CNTNAP2: variants seen among roughly 807,000 people sequenced by gnomAD.
CNTNAP2 encodes the protein contactin-associated protein-like 2.
In CNTNAP2, 98 loss-of-function variants were observed where a neutral mutation model predicts 155.2. The ratio of observed to expected loss-of-function variants is 0.63; its 90% CI spans 0.54 to 0.75. The LOEUF (loss-of-function observed/expected upper bound fraction) is 0.75, where lower values mean the gene tolerates loss of function less well. Ranked by LOEUF, CNTNAP2 falls within the 30% of genes least tolerant of loss-of-function variation. The pLI is 0.00. For synonymous variants in CNTNAP2, 651 were observed against 631.2 expected (o/e 1.03, Z -0.47); for missense variants, 1,727 against 1,688.1 (o/e 1.02, Z -0.40).
intron 2 of CNTNAP2, among the ~76,000 whole-genome samples, chr7:146,789,076 C>T (rs2129188575): frequency 6.6e-6 from 1 of 152,074 alleles, no homozygotes; most frequent in African/African-American, 2.4e-5. Context: ...CTTACAAAAC[C>T]CTAGGAAGAA....
intron 3 of CNTNAP2, among the ~76,000 whole-genome samples, chr7:146,881,469 C>T (rs564285550): frequency 1.3e-5 from 2 of 152,056 alleles, no homozygotes; most frequent in East Asian, 3.9e-4. Flanking sequence ...GATTTTTAGC[C>T]CAGTCTTTAA....
chr7:147,475,003 C>T (rs1244687236), intron 10 of CNTNAP2, among the ~76,000 whole-genome samples: 1 of 152,194 alleles, frequency 6.6e-6, no homozygotes, highest in Non-Finnish European at 1.5e-5. Flanking sequence ...GCTGTTCTGT[C>T]CCTCTTGCTT....
intron 10 of CNTNAP2, among the ~76,000 whole-genome samples, chr7:147,434,693 AC>A (rs1360613621): frequency 1.3e-5 from 2 of 152,214 alleles, no homozygotes; most frequent in East Asian, 3.8e-4. Context: ...AAAAGAGTGG[AC>A]TAAAAGTAAG....
At chr7:147,175,414 A>G (rs1023234815) in intron 8 of CNTNAP2, among the ~76,000 whole-genome samples, 2 of 152,158 alleles carry the variant, frequency 1.3e-5, no homozygotes, top group Non-Finnish European at 2.9e-5. Context: ...ATAATGAACA[A>G]TTCATCTTCT....
At chr7:148,112,415 G>GTATTATTATTATTATTATTAT (rs34816770) in intron 15 of CNTNAP2, among the ~76,000 whole-genome samples, 3 of 148,566 alleles carry the variant, frequency 2.0e-5, no homozygotes, top group African/African-American at 7.4e-5. Flanking sequence ...CTAAATTTTA[G>GTATTATTATTATTATTATTAT]TATTATTATT....
At chr7:147,751,316 T>C (rs559181648) in intron 13 of CNTNAP2, among the ~76,000 whole-genome samples, 1 of 151,674 alleles carries the variant, frequency 6.6e-6, no homozygotes, top group African/African-American at 2.4e-5. Flanking sequence ...CTCAAAATAC[T>C]AGCCTTGGAC....
rs1796694042 is a variant in CNTNAP2, at chr7:146,464,963, C to T, written c.98-309308C>T. Among the ~76,000 whole-genome samples the T allele has an allele frequency of 3.3e-5, 5 of 152,196 alleles. No individual in the cohort carries two copies. In the South Asian group the frequency reaches 1.0e-3, roughly 32 times the overall value. On this transcript the variant is annotated intron_variant, in intron 1 of 23. Coordinates refer to ENST00000361727, the MANE Select transcript of CNTNAP2 (RefSeq NM_014141.6). ...TTCCATTTTCTAGCTGCCTTTTCTG[C>T]AGTCTATGATCATTCCATTTCTGAA...
chr7:148,082,245 G>A (rs894479020), intron 15 of CNTNAP2, among the ~76,000 whole-genome samples: 2 of 152,212 alleles, frequency 1.3e-5, no homozygotes, highest in Non-Finnish European at 2.9e-5. Flanking sequence ...AAAGGGTTAA[G>A]TCAGGGTTGG....
At chr7:147,943,597 C>T (rs1451188362) in intron 14 of CNTNAP2, among the ~76,000 whole-genome samples, 2 of 151,524 alleles carry the variant, frequency 1.3e-5, no homozygotes, top group Admixed American at 6.6e-5. Context: ...GGTGAAGCCC[C>T]GTCTCTACTA....
At chr7:147,749,984 A>T (rs1797108620) in intron 13 of CNTNAP2, among the ~76,000 whole-genome samples, 1 of 152,226 alleles carries the variant, frequency 6.6e-6, no homozygotes, top group African/African-American at 2.4e-5. Context: ...CAGAAATCTT[A>T]AAGTTATTTC....
At chr7:148,352,470 G>T (rs75755109) in intron 21 of CNTNAP2, among the ~76,000 whole-genome samples, 3,446 of 152,334 alleles carry the variant, frequency 0.023, 43 homozygotes, top group African/African-American at 0.043. Context: ...GCAGGTTTAA[G>T]GAATTGTATC....
At chr7:146,807,961 C>G (rs923092574) in intron 2 of CNTNAP2, among the ~76,000 whole-genome samples, 1 of 152,002 alleles carries the variant, frequency 6.6e-6, no homozygotes, top group African/African-American at 2.4e-5. Context: ...TAGTGGGCCA[C>G]TAGAAAAGTA....
At chr7:147,881,355 A>G (rs952552875) in intron 13 of CNTNAP2, among the ~76,000 whole-genome samples, 5 of 152,148 alleles carry the variant, frequency 3.3e-5, no homozygotes, top group African/African-American at 9.7e-5. Context: ...AGCATTACCA[A>G]AGGTGTGTAT....
intron 1 of CNTNAP2, among the ~76,000 whole-genome samples, chr7:146,538,016 A>G (rs532963171): frequency 4.6e-5 from 7 of 152,242 alleles, no homozygotes; most frequent in African/African-American, 9.6e-5. Flanking sequence ...TTCTAGTACT[A>G]TATTGAAAAT....
chr7:147,674,914 T>A (rs1171473000), intron 13 of CNTNAP2, among the ~76,000 whole-genome samples: 2 of 152,114 alleles, frequency 1.3e-5, no homozygotes, highest in Admixed American at 6.6e-5. Context: ...TCAGCTCTTT[T>A]TTTTTTCCAT....
intron 15 of CNTNAP2, among the ~76,000 whole-genome samples, chr7:148,107,099 G>A (rs1039654062): frequency 6.6e-6 from 1 of 152,120 alleles, no homozygotes; most frequent in African/African-American, 2.4e-5. Context: ...CCAAACATGT[G>A]AAACACACAA....
chr7:147,829,896 G>A (rs1034583395), intron 13 of CNTNAP2, among the ~76,000 whole-genome samples: 1 of 152,024 alleles, frequency 6.6e-6, no homozygotes, highest in Non-Finnish European at 1.5e-5. Flanking sequence ...GGTCACAGGT[G>A]TCACATACAG....
intron 1 of CNTNAP2, among the ~76,000 whole-genome samples, chr7:146,493,732 G>C (rs962545841): frequency 6.6e-6 from 1 of 151,838 alleles, no homozygotes; most frequent in African/African-American, 2.4e-5. Flanking sequence ...ACACTTAAAA[G>C]TTTATTACTA....
At chr7:148,338,564 G>GGGGGTGAGGC (rs1798164539) in intron 21 of CNTNAP2, among the ~76,000 whole-genome samples, 1 of 151,914 alleles carries the variant, frequency 6.6e-6, no homozygotes, top group African/African-American at 2.4e-5. Flanking sequence ...GGGGGTGAGG[G>GGGGGTGAGGC]GGGGGTGAGT....
Sources: gnomAD v4.1 joint callset for allele counts (sites outside exome capture counted in the v4.1 genomes callset) on GRCh38, gnomAD v4.1.1 for gene constraint, MANE v1.5 for transcripts, NCBI Gene and HGNC (gene_info 2026-07-23, HGNC 2026-07-21) for gene names.